Variants in FBXO4 observed in about 807,000 individuals in gnomAD.
FBXO4 encodes F-box protein 4.
A neutral mutation model predicts 43.7 loss-of-function variants in FBXO4; 36 were observed. The observed-to-expected ratio is 0.82, with a 90% CI of 0.63 to 1.09. The LOEUF is 1.09. Among genes scored for constraint, FBXO4 ranks in the 50% least tolerant of loss-of-function variants. FBXO4 has a pLI of 0.00. For synonymous variants in FBXO4, 180 were observed against 165.6 expected, an observed-to-expected ratio of 1.09 and a Z score of -0.67; for missense variants, 435 against 474.1, an observed-to-expected ratio of 0.92 and a Z score of 0.77.
chr5:41,929,790 T>G lies in FBXO4; in HGVS notation c.519T>G (p.Ile173Met), dbSNP rs200333615. 1.2e-6 allele frequency: 2 copies of G among 1,614,174 alleles called. No homozygotes were observed. Among genetic ancestry groups the G allele is most frequent in the Non-Finnish European group, 1.7e-6 (2 of 1,180,030 alleles). Reference protein sequence around the residue: ...AVTSFLHSLIIQNEPRFAMFG... With the variant: ...AVTSFLHSLIMQNEPRFAMFG... The stretch of plus-strand genomic sequence containing the variant: ...CTTCTTTTTTACACTCCCTGATCAT[T>G]CAGAATGAACCACGATTTGCTATGT... The change falls in exon 3 of 7, where the codon ATT becomes ATG. Residue 173 changes from isoleucine to methionine, a missense_variant. Coordinates refer to ENST00000281623, the MANE Select transcript of FBXO4 (RefSeq NM_012176.3).
the FBXO4 span, among the ~76,000 whole-genome samples, chr5:42,035,558 T>G: frequency 6.6e-6 from 1 of 152,182 alleles, no homozygotes. Flanking sequence ...TCATTGGCAT[T>G]GGATTACTAT....
Position 41,927,095 on chromosome 5 carries a change from A to T in FBXO4, c.272A>T (p.Glu91Val). ...GGAAGTACAAATCATTATTGGAATGAAACTGTAAGAGATCCAATTCTGTGG... is the reference window on the plus strand; with the variant it reads ...GGAAGTACAAATCATTATTGGAATGTAACTGTAAGAGATCCAATTCTGTGG... ...QLGSTNHYWN[E>V]TVRDPILWRY... is the part of the protein sequence containing the mutation. The change falls in exon 2 of 7, where the codon GAA (glutamate) becomes GTA (valine). Residue 91 changes from glutamate (E) to valine (V), a missense_variant. Coordinates refer to ENST00000281623, the MANE Select transcript of FBXO4 (RefSeq NM_012176.3). The T allele has an allele frequency of 1.9e-6, 3 of 1,613,876 alleles. No individual in the cohort carries two copies. Among genetic ancestry groups the T allele is most frequent in the Non-Finnish European group, 2.5e-6 (3 of 1,179,890 alleles).
chr5:42,037,563 C>A, the FBXO4 span, among the ~76,000 whole-genome samples: 1 of 152,060 alleles, frequency 6.6e-6, no homozygotes, highest in Non-Finnish European at 1.5e-5. Context: ...TGCCTATTGC[C>A]TCAGAATCAC....
At chr5:41,971,312 A>G in the FBXO4 span, among the ~76,000 whole-genome samples, 1 of 151,962 alleles carries the variant, frequency 6.6e-6, no homozygotes, top group African/African-American at 2.4e-5. Flanking sequence ...TGGTAATTAA[A>G]TTGATTTAAT....
chr5:42,022,670 A>G, the FBXO4 span, among the ~76,000 whole-genome samples: 1 of 152,120 alleles, frequency 6.6e-6, no homozygotes, highest in African/African-American at 2.4e-5. Context: ...ATGCTTCAGT[A>G]TTCCAAAGTG....
intron 3 of FBXO4, among the ~76,000 whole-genome samples, chr5:41,932,562 T>G (rs979176473): frequency 1.3e-5 from 2 of 152,142 alleles, no homozygotes; most frequent in Admixed American, 6.5e-5. Context: ...TCTAATGAGG[T>G]TAGTAGGGAC....
At chr5:42,028,263 CATT>C in the FBXO4 span, among the ~76,000 whole-genome samples, 2 of 151,804 alleles carry the variant, frequency 1.3e-5, no homozygotes, top group African/African-American at 4.8e-5. Flanking sequence ...ACGTCTTTAT[CATT>C]ATATATTGAC....
chr5:41,984,502 C>A, the FBXO4 span, among the ~76,000 whole-genome samples: 1 of 152,150 alleles, frequency 6.6e-6, no homozygotes, highest in East Asian at 1.9e-4. Context: ...TCTCTGACGT[C>A]TCACTTATAC....
In FBXO4 at chr5:41,934,169, T is replaced by C. The variant is rs758307375; in HGVS notation, c.759T>C (p.Ser253=). The C allele has an allele frequency of 8.7e-6, 14 of 1,613,926 alleles. No homozygotes were observed. In the East Asian group the frequency reaches 2.9e-4, roughly 33 times the overall value. ...ATAGAGCAAGGGAAGAGCATACAAG[T>C]GCAGTTAACAAGATGTTCAGTCGAC... The part of the protein sequence containing the change: ...ERDRAREEHT[S]AVNKMFSRHN... Residue 253 remains serine, a synonymous_variant, in exon 5 of 7, where the codon AGT becomes AGC. Transcript: ENST00000281623.
chr5:42,001,839 C>A, the FBXO4 span, among the ~76,000 whole-genome samples: 2 of 152,026 alleles, frequency 1.3e-5, no homozygotes, highest in Admixed American at 6.6e-5. Flanking sequence ...TACAGCGCCA[C>A]CTTGGCTGGC....
At chr5:41,934,748 T>C (rs1374086273) in intron 5 of FBXO4, 19 of 1,024,738 alleles carry the variant, frequency 1.9e-5, no homozygotes, top group Non-Finnish European at 2.2e-5. Context: ...ATCTTTGTTT[T>C]ATCCAAATAG....
At chr5:42,017,034 T>G in the FBXO4 span, among the ~76,000 whole-genome samples, 1 of 152,032 alleles carries the variant, frequency 6.6e-6, no homozygotes, top group African/African-American at 2.4e-5. Context: ...TTCCTAGACA[T>G]TCTAGGCAAT....
chr5:41,999,548 T>C, the FBXO4 span, among the ~76,000 whole-genome samples: 42 of 80,628 alleles, frequency 5.2e-4, 1 homozygote, highest in African/African-American at 1.9e-3. Flanking sequence ...TATATATGTA[T>C]ATATATATAT....
chr5:41,942,838 A>C (rs188105251), downstream of FBXO4, among the ~76,000 whole-genome samples: 2 of 152,264 alleles, frequency 1.3e-5, no homozygotes, highest in East Asian at 3.9e-4. Context: ...TGACAAGTAC[A>C]TGAGCCATTT....
intron 3 of FBXO4, among the ~76,000 whole-genome samples, chr5:41,930,779 C>T (rs1028481806): frequency 1.7e-4 from 26 of 151,892 alleles, no homozygotes; most frequent in South Asian, 6.2e-4. Context: ...ACCATTCTCC[C>T]GAGTAGCTGG....
intron 1 of FBXO4, among the ~76,000 whole-genome samples, chr5:41,926,069 A>T (rs1490858751): frequency 4.6e-5 from 7 of 152,226 alleles, no homozygotes; most frequent in Non-Finnish European, 4.4e-5. Flanking sequence ...AGAATGACAC[A>T]CATAACTTAT....
the FBXO4 span, among the ~76,000 whole-genome samples, chr5:41,956,631 T>C: frequency 1.3e-5 from 2 of 152,052 alleles, no homozygotes; most frequent in Admixed American, 6.6e-5. Context: ...GATATTTCAT[T>C]GTTCTGTTTC....
chr5:41,999,936 C>A, the FBXO4 span, among the ~76,000 whole-genome samples: 25 of 152,060 alleles, frequency 1.6e-4, no homozygotes, highest in Admixed American at 4.6e-4. Context: ...ATCAAGTTGG[C>A]ACTCACTATT....
Position 41,927,024 on chromosome 5 carries a change from G to C in FBXO4, c.201G>C (p.Gln67His), listed in dbSNP as rs1579971122. ...STLTRLPIDVQLYILSFLSPH... is the reference protein window; with the variant it reads ...STLTRLPIDVHLYILSFLSPH... ...TTCTTCTGTTTCAGATTGATGTACA[G>C]CTATATATTTTGTCCTTTCTTTCAC... The change falls in exon 2 of 7, where the codon CAG (glutamine) becomes CAC (histidine). Residue 67 changes from glutamine to histidine, a missense_variant. Coordinates refer to ENST00000281623, the MANE Select transcript of FBXO4 (RefSeq NM_012176.3). 6.2e-7 allele frequency: 1 copy of C among 1,605,732 alleles called. No individual in the cohort carries two copies. The highest frequency in any genetic ancestry group is 8.5e-7 in the Non-Finnish European group (1 of 1,175,576).
Sources: allele counts gnomAD v4.1 joint callset (sites outside exome capture counted in the v4.1 genomes callset), GRCh38; gene constraint gnomAD v4.1.1; transcripts MANE v1.5; gene names NCBI Gene and HGNC (gene_info 2026-07-23, HGNC 2026-07-21).